Variants in HFM1 observed in about 807,000 individuals in gnomAD.
HFM1 encodes probable ATP-dependent DNA helicase HFM1.
HFM1 carries 169 observed loss-of-function variants against 192.1 expected under a neutral mutation model. The observed-to-expected ratio is 0.88, with a 90% CI of 0.78 to 1.00. The LOEUF (loss-of-function observed/expected upper bound fraction) is 1.00, where lower values mean the gene tolerates loss of function less well. HFM1 is among the 50% of genes least tolerant of loss of function. The probability of loss-of-function intolerance (pLI) is 0.00; values close to 1 mark genes in which losing one functional copy is unlikely to be tolerated. For synonymous variants in HFM1, 525 were observed against 537.8 expected (o/e 0.98, Z 0.33); for missense variants, 1,661 against 1,668.0 (o/e 1.00, Z 0.07).
At chr1:91,314,476 T>G (rs1281883137) in intron 28 of HFM1, among the ~76,000 whole-genome samples, 1 of 152,156 alleles carries the variant, frequency 6.6e-6, no homozygotes, top group Admixed American at 6.5e-5. Context: ...CAGGCTGGTC[T>G]GAAACTCTGG....
intron 30 of HFM1, among the ~76,000 whole-genome samples, chr1:91,311,806 GC>G (rs1169851889): frequency 6.6e-6 from 1 of 152,208 alleles, no homozygotes; most frequent in African/African-American, 2.4e-5. Context: ...GTTTACGGCA[GC>G]CCCTTCTATC....
intron 20 of HFM1, among the ~76,000 whole-genome samples, chr1:91,332,221 T>C (rs1653941210): frequency 6.6e-6 from 1 of 152,144 alleles, no homozygotes; most frequent in Non-Finnish European, 1.5e-5. Flanking sequence ...AGAGCTATAG[T>C]AACCAAAACA....
At chr1:91,296,997 G>A (rs561874051) in intron 30 of HFM1, among the ~76,000 whole-genome samples, 33 of 152,340 alleles carry the variant, frequency 2.2e-4, no homozygotes, top group Non-Finnish European at 3.1e-4. Flanking sequence ...GCGAGGCATC[G>A]CCTCACCCGG....
At chr1:91,324,845 T>C (rs1005733810) in intron 20 of HFM1, 79 bp from the exon 21 acceptor site, 2 of 783,154 alleles carry the variant, frequency 2.6e-6, no homozygotes, top group African/African-American at 1.7e-5. Flanking sequence ...AAACATTTCC[T>C]GAGGGGAGGA....
At position 91,281,724 on chromosome 1, in the gene HFM1, T is replaced by C. The variant is rs150090158; in HGVS notation, c.3392-4662A>G. On this transcript the variant is annotated intron_variant, in intron 30 of 38. Transcript: ENST00000370425. ...AAATCATTTTTCCCTTGGAATTTTA[T>C]TTTTTATTATTACAGTTTTGGAGAC... 2.3e-3 allele frequency among the ~76,000 whole-genome samples: 344 copies of C among 152,342 alleles called. 1 individual carries two copies. Among genetic ancestry groups the C allele is most frequent in the African/African-American group, 7.8e-3 (326 of 41,582 alleles).
chr1:91,319,201 C>G lies in HFM1; in HGVS notation c.2689G>C (p.Asp897His). Reference protein sequence around the residue: ...HGSRITRWLSDFVAAQEKKFA... With the variant: ...HGSRITRWLSHFVAAQEKKFA... ...TTCTTTTCTTGAGCAGCTACAAAATCTGACAACCCTAAAAAAAAAGTTTCC... is the reference window on the plus strand; with the variant it reads ...TTCTTTTCTTGAGCAGCTACAAAATGTGACAACCCTAAAAAAAAAGTTTCC... Residue 897 changes from aspartate to histidine, a missense_variant, in exon 25 of 39, where the codon GAT becomes CAT. By Grantham distance (81) the Asp-to-His change is moderately conservative. Coordinates refer to ENST00000370425, the MANE Select transcript of HFM1 (RefSeq NM_001017975.6). 6.2e-7 allele frequency: 1 copy of G among 1,605,156 alleles called. No homozygotes were observed. The highest frequency in any genetic ancestry group is 8.5e-7 in the Non-Finnish European group (1 of 1,177,598).
At chr1:91,380,891 T>A (rs778972323) in intron 7 of HFM1, 21 bp downstream of exon 7, 1 of 1,104,408 alleles carries the variant, frequency 9.1e-7, no homozygotes, top group African/African-American at 1.6e-5. Context: ...GAAAAATAAA[T>A]AAGTAAAATA....
chr1:91,274,367 T>C (rs527313633), intron 33 of HFM1, among the ~76,000 whole-genome samples: 1 of 152,210 alleles, frequency 6.6e-6, no homozygotes, highest in African/African-American at 2.4e-5. Context: ...ATTATTAATA[T>C]GGACTGAGCT....
At chr1:91,380,445 A>G (rs527607416) in intron 7 of HFM1, among the ~76,000 whole-genome samples, 7 of 152,212 alleles carry the variant, frequency 4.6e-5, no homozygotes, top group East Asian at 1.9e-4. Flanking sequence ...TTATTTGTCA[A>G]TGTAGACCTA....
intron 30 of HFM1, among the ~76,000 whole-genome samples, chr1:91,285,280 C>A (rs1667850445): frequency 6.6e-6 from 1 of 151,978 alleles, no homozygotes; most frequent in Non-Finnish European, 1.5e-5. Context: ...TTTTATATTC[C>A]CTAAGGTGCA....
At position 91,389,598 on chromosome 1, in the gene HFM1, G is replaced by A. The variant is rs577695537; in HGVS notation, c.495-3764C>T. Among the ~76,000 whole-genome samples the A allele has an allele frequency of 1.3e-3, 202 of 152,222 alleles. 1 individual carries two copies. The highest frequency in any genetic ancestry group is 4.6e-3 in the African/African-American group (192 of 41,530). ...GGAGAACATAACTAGGAAGAGGGTC[G>A]TCATCAAGAACCCAACAATGCTGGC... On this transcript the variant is annotated intron_variant, in intron 4 of 38. Coordinates refer to ENST00000370425, the MANE Select transcript of HFM1 (RefSeq NM_001017975.6).
chr1:91,370,342 T>C (rs886232641), intron 13 of HFM1, among the ~76,000 whole-genome samples: 1 of 152,150 alleles, frequency 6.6e-6, no homozygotes, highest in Non-Finnish European at 1.5e-5. Flanking sequence ...AAATCCTCAA[T>C]AAAATACTGG....
intron 13 of HFM1, among the ~76,000 whole-genome samples, chr1:91,364,005 G>C (rs558856862): frequency 6.6e-6 from 1 of 152,232 alleles, no homozygotes; most frequent in African/African-American, 2.4e-5. Flanking sequence ...TGGACATATG[G>C]AGGGGAACAC....
rs1400965109 is a variant in HFM1, at chr1:91,315,138, A to C, written c.3140+677T>G. Among the ~76,000 whole-genome samples, 3 of 152,290 alleles carry C rather than the reference A, an allele frequency of 2.0e-5. No homozygotes were observed. In the South Asian group the frequency reaches 6.2e-4, roughly 32 times the overall value. Reference sequence around the variant, plus strand: ...GGTTAATCATAAATCAAACTCATTAAACTCTTTTTGTCTCAATTTCCTCCT... The same window carrying C: ...GGTTAATCATAAATCAAACTCATTACACTCTTTTTGTCTCAATTTCCTCCT... On this transcript the variant is annotated intron_variant, in intron 28 of 38. Coordinates refer to ENST00000370425, the MANE Select transcript of HFM1 (RefSeq NM_001017975.6).
rs763746408 is a variant in HFM1, at chr1:91,274,742, G to C, written c.3656C>G (p.Pro1219Arg). 15 of 1,512,004 alleles carry C rather than the reference G, an allele frequency of 9.9e-6. No individual in the cohort carries two copies. Among genetic ancestry groups the C allele is most frequent in the Admixed American group, 5.1e-5 (3 of 59,304 alleles). The allele number at this position is 1,512,004 out of a possible 1,614,324, so 93.7% of individuals were successfully genotyped here. Residue 1219 changes from proline to arginine, a missense_variant, in exon 33 of 39, where the codon CCT (proline) becomes CGT (arginine). Physicochemically the swap from Pro to Arg is moderately radical, Grantham distance 103. Transcript: ENST00000370425. Reference sequence around the variant, plus strand: ...ATTATATTTGTACCTTGATATACTAGGAAGGGAAGGTTTTGGAGTAAAACC... The same window carrying C: ...ATTATATTTGTACCTTGATATACTACGAAGGGAAGGTTTTGGAGTAAAACC... ...EFGFTPKPSL[P>R]SISRSEYLNI...
At chr1:91,289,762 A>C (rs938007763) in intron 30 of HFM1, among the ~76,000 whole-genome samples, 1 of 152,134 alleles carries the variant, frequency 6.6e-6, no homozygotes, top group South Asian at 2.1e-4. Context: ...CGGCAGGCTG[A>C]GGCAGGAGAA....
chr1:91,399,863 G>GA (rs1664097165), intron 2 of HFM1, among the ~76,000 whole-genome samples: 1 of 152,096 alleles, frequency 6.6e-6, no homozygotes, highest in South Asian at 2.1e-4. Flanking sequence ...CATATTTTCA[G>GA]AAAAACAACC....
At chr1:91,310,655 G>A (rs1237951315) in intron 30 of HFM1, among the ~76,000 whole-genome samples, 3 of 152,194 alleles carry the variant, frequency 2.0e-5, no homozygotes, top group African/African-American at 7.2e-5. Context: ...GAATCATGGA[G>A]GCTGGTCTTT....
chr1:91,402,172 G>A (rs535780637), intron 1 of HFM1, among the ~76,000 whole-genome samples: 46 of 152,222 alleles, frequency 3.0e-4, no homozygotes, highest in African/African-American at 9.9e-4. Context: ...GGAGAAATAC[G>A]CATTACCAAG....
Sources: allele counts gnomAD v4.1 joint callset (sites outside exome capture counted in the v4.1 genomes callset), GRCh38; gene constraint gnomAD v4.1.1; transcripts MANE v1.5; gene names NCBI Gene and HGNC (gene_info 2026-07-23, HGNC 2026-07-21).